ZRANB3: variants seen among roughly 807,000 people sequenced by gnomAD.
ZRANB3 encodes the protein DNA annealing helicase and endonuclease ZRANB3.
Under a neutral mutation model 133.8 loss-of-function variants are expected in ZRANB3, and 125 were observed. The observed-to-expected ratio is 0.93, with a 90% confidence interval of 0.81 to 1.08. The LOEUF (loss-of-function observed/expected upper bound fraction) is 1.08, where lower values mean the gene tolerates loss of function less well. ZRANB3 is among the 50% of genes least tolerant of loss of function. ZRANB3 has a pLI of 0.00. For missense variants in ZRANB3, 1,229 were observed against 1,275.5 expected (o/e 0.96, Z 0.56); for synonymous variants, 387 against 432.7 (o/e 0.89, Z 1.31).
chr2:135,406,737 T>C lies in ZRANB3; in HGVS notation c.162-15917A>G, dbSNP rs574701411. On this transcript the variant is annotated intron_variant, in intron 2 of 20. Transcript: ENST00000264159. ...GACAAAAACCACATGATTATCTCAA[T>C]AGATGCAGAAAAGGCCTTTGACAAA... Among the ~76,000 whole-genome samples the C allele has an allele frequency of 3.1e-3, 468 of 152,248 alleles. 2 individuals carry two copies. The highest frequency in any genetic ancestry group is 0.011 in the African/African-American group (441 of 41,544).
At chr2:135,222,030 T>C (rs1466348199) in intron 15 of ZRANB3, among the ~76,000 whole-genome samples, 3 of 152,208 alleles carry the variant, frequency 2.0e-5, no homozygotes, top group African/African-American at 7.2e-5. Flanking sequence ...CTCCAACATA[T>C]TATCTTTTAA....
intron 2 of ZRANB3, among the ~76,000 whole-genome samples, chr2:135,407,607 A>G (rs1224799465): frequency 6.6e-6 from 1 of 151,362 alleles, no homozygotes; most frequent in Non-Finnish European, 1.5e-5. Context: ...ACAGCATGGT[A>G]CTAGTACCAA....
At chr2:135,439,722 T>C (rs1327641460) in intron 2 of ZRANB3, among the ~76,000 whole-genome samples, 3 of 152,230 alleles carry the variant, frequency 2.0e-5, no homozygotes, top group South Asian at 2.1e-4. Flanking sequence ...AACAAACAGA[T>C]ACCTAGCTTT....
chr2:135,227,719 T>C (rs926606676), intron 14 of ZRANB3, 93 bp downstream of exon 14: 1 of 1,294,184 alleles, frequency 7.7e-7, no homozygotes, highest in African/African-American at 1.5e-5. Context: ...AAAAGGAACC[T>C]GGAACAAGGT....
At chr2:135,464,214 C>T (rs1690885015) in intron 2 of ZRANB3, among the ~76,000 whole-genome samples, 1 of 152,092 alleles carries the variant, frequency 6.6e-6, no homozygotes, top group African/African-American at 2.4e-5. Flanking sequence ...TGCTTTTCCC[C>T]TTCAAAGGGG....
rs376480705 is a variant in ZRANB3 at position 135,227,773 on chromosome 2, G to A, written c.2158+39C>T. The A allele has an allele frequency of 1.1e-3, 1,614 of 1,527,264 alleles. 2 individuals are homozygous for A. Among genetic ancestry groups the A allele is most frequent in the Non-Finnish European group, 1.3e-3 (1,483 of 1,124,042 alleles). The allele number at this position is 1,527,264 out of a possible 1,614,324, so 94.6% of individuals were successfully genotyped here. On this transcript the variant is annotated intron_variant, in intron 14 of 20. Transcript: ENST00000264159. ...AACAGTATTATGTGTGAAAGTATATGGTTATTACTTGGATGCTAGAAATGG... is the reference window on the plus strand; with the variant it reads ...AACAGTATTATGTGTGAAAGTATATAGTTATTACTTGGATGCTAGAAATGG...
At chr2:135,493,118 TA>T (rs1692472350) in intron 2 of ZRANB3, among the ~76,000 whole-genome samples, 1 of 758 alleles carries the variant, frequency 1.3e-3, no homozygotes, top group Non-Finnish European at 3.8e-3. Flanking sequence ...TATATATATA[TA>T]TATATATATA....
At chr2:135,355,879 G>GT (rs1185344109) in intron 3 of ZRANB3, among the ~76,000 whole-genome samples, 1 of 152,122 alleles carries the variant, frequency 6.6e-6, no homozygotes, top group Admixed American at 6.6e-5. Flanking sequence ...AATAGGATCT[G>GT]TTTTGCTTCC....
intron 8 of ZRANB3, among the ~76,000 whole-genome samples, chr2:135,296,981 G>A (rs1170151582): frequency 3.3e-5 from 5 of 152,306 alleles, no homozygotes; most frequent in Admixed American, 6.5e-5. Context: ...GTGTCAGTCC[G>A]CCCCTACTGG....
Position 135,485,185 on chromosome 2 carries a change from A to AAACAAAACAT in ZRANB3, c.161+19143_161+19144insATGTTTTGTT, listed in dbSNP as rs1692050603. ...AAACAAAACAAAACAAAACAAAACA[A>AAACAAAACAT]AACATAACATAACATAACATAACAT... On this transcript the variant is annotated intron_variant, in intron 2 of 20. Transcript: ENST00000264159. Among the ~76,000 whole-genome samples the AAACAAAACAT allele has an allele frequency of 1.2e-4, 14 of 121,704 alleles. No individual in the cohort carries two copies. The South Asian group carries it at 1.2e-3, about 11-fold the overall frequency. 79.8% of individuals were successfully genotyped at this position (121,704 alleles called of 152,430 possible).
At chr2:135,338,833 AAT>A (rs1684495539) in intron 6 of ZRANB3, among the ~76,000 whole-genome samples, 1 of 152,246 alleles carries the variant, frequency 6.6e-6, no homozygotes, top group African/African-American at 2.4e-5. Context: ...GTATTTAATA[AAT>A]ATGTGAATAA....
intron 1 of ZRANB3, among the ~76,000 whole-genome samples, chr2:135,524,760 A>C (rs1694083298): frequency 6.6e-6 from 1 of 152,168 alleles, no homozygotes. Context: ...ACAGTGTCCA[A>C]AGAGAACCAT....
chr2:135,447,847 A>C (rs946417863), intron 2 of ZRANB3, among the ~76,000 whole-genome samples: 3 of 152,126 alleles, frequency 2.0e-5, no homozygotes, highest in Admixed American at 6.6e-5. Context: ...AGTTTTAATG[A>C]GATTTTGAGA....
intron 1 of ZRANB3, among the ~76,000 whole-genome samples, chr2:135,505,624 T>C (rs1313056503): frequency 3.3e-5 from 5 of 151,972 alleles, no homozygotes; most frequent in African/African-American, 1.2e-4. Flanking sequence ...TGCAGACTTA[T>C]ATAACTATTG....
chr2:135,296,160 T>A (rs1016191028), intron 8 of ZRANB3, among the ~76,000 whole-genome samples: 1 of 152,220 alleles, frequency 6.6e-6, no homozygotes, highest in Non-Finnish European at 1.5e-5. Context: ...CTGGATAATA[T>A]CCTGCAGAGT....
intron 3 of ZRANB3, among the ~76,000 whole-genome samples, chr2:135,360,475 G>A (rs537979390): frequency 1.3e-5 from 2 of 151,950 alleles, no homozygotes; most frequent in East Asian, 1.9e-4. Context: ...GGAGGCCAAG[G>A]TGGGCGGATC....
chr2:135,450,055 G>A (rs534252887), intron 2 of ZRANB3, among the ~76,000 whole-genome samples: 2 of 152,244 alleles, frequency 1.3e-5, no homozygotes, highest in East Asian at 3.9e-4. Context: ...ATTTTGTAAT[G>A]AGTAAAATGA....
intron 2 of ZRANB3, among the ~76,000 whole-genome samples, chr2:135,450,076 G>A (rs747684634): frequency 3.9e-5 from 6 of 151,960 alleles, no homozygotes; most frequent in East Asian, 1.9e-4. Context: ...GATTAACAAC[G>A]GTTAATTAAG....
intron 12 of ZRANB3, among the ~76,000 whole-genome samples, chr2:135,264,738 C>T (rs1383633109): frequency 5.4e-5 from 8 of 149,124 alleles, no homozygotes; most frequent in African/African-American, 2.0e-4. Context: ...TATTCTTTGC[C>T]TATTTTTTTT....
Sources: allele counts gnomAD v4.1 joint callset (sites outside exome capture counted in the v4.1 genomes callset), GRCh38; gene constraint gnomAD v4.1.1; transcripts MANE v1.5; gene names NCBI Gene and HGNC (gene_info 2026-07-23, HGNC 2026-07-21).